PITPNC1: variants seen among roughly 807,000 people sequenced by gnomAD.
The protein encoded by PITPNC1 is phosphatidylinositol transfer protein cytoplasmic 1, also known as cytoplasmic phosphatidylinositol transfer protein 1.
Under a neutral mutation model 44.7 loss-of-function variants are expected in PITPNC1, and 18 were observed. That is an observed-to-expected ratio of 0.40 (90% CI 0.28 to 0.60). PITPNC1 has a LOEUF of 0.60. Ranked by LOEUF, PITPNC1 falls within the 20% of genes least tolerant of loss-of-function variation. The pLI is 0.39. For missense variants in PITPNC1, 290 were observed against 418.4 expected (o/e 0.69, Z 2.68); for synonymous variants, 141 against 149.6 (o/e 0.94, Z 0.42).
intron 6 of PITPNC1, among the ~76,000 whole-genome samples, chr17:67,647,464 G>GTTTTTTTTGTTTTTTTTTTTTTTTTTTTT (rs2042162118): frequency 3.7e-4 from 27 of 72,360 alleles, no homozygotes; most frequent in African/African-American, 1.2e-3. Flanking sequence ...CTAATTTTGG[G>GTTTTTTTTGTTTTTTTTTTTTTTTTTTTT]TTTTTTTTTT....
At chr17:67,570,573 T>C (rs1264348517) in intron 4 of PITPNC1, among the ~76,000 whole-genome samples, 1 of 152,186 alleles carries the variant, frequency 6.6e-6, no homozygotes, top group Non-Finnish European at 1.5e-5. Context: ...CCAACATCTC[T>C]CCAGCATCTG....
chr17:67,639,132 A>AAAGAAAAGAAAAAAGAT (rs1159327642), intron 6 of PITPNC1, among the ~76,000 whole-genome samples: 5 of 152,104 alleles, frequency 3.3e-5, no homozygotes, highest in African/African-American at 1.2e-4. Context: ...CTAAAAAAGA[A>AAAGAAAAGAAAAAAGAT]AAGAAAAGAA....
At chr17:67,386,672 C>T (rs1014900083) in intron 1 of PITPNC1, among the ~76,000 whole-genome samples, 3 of 152,134 alleles carry the variant, frequency 2.0e-5, no homozygotes, top group African/African-American at 7.2e-5. Context: ...TGGAAAAGTA[C>T]ATCTAGGTTC....
At chr17:67,435,853 C>T (rs538391886) in intron 1 of PITPNC1, among the ~76,000 whole-genome samples, 1 of 152,184 alleles carries the variant, frequency 6.6e-6, no homozygotes, top group South Asian at 2.1e-4. Flanking sequence ...CTTTGTCTAC[C>T]ACCGCACCCT....
chr17:67,574,889 ACTC>A (rs1454248801), intron 4 of PITPNC1, among the ~76,000 whole-genome samples: 2 of 152,016 alleles, frequency 1.3e-5, no homozygotes, highest in African/African-American at 4.8e-5. Flanking sequence ...CAGGTGCACT[ACTC>A]CTAGCCTCGT....
intron 1 of PITPNC1, among the ~76,000 whole-genome samples, chr17:67,489,558 C>G (rs2039832830): frequency 6.6e-6 from 1 of 152,136 alleles, no homozygotes; most frequent in African/African-American, 2.4e-5. Flanking sequence ...GACCCCGCCT[C>G]TGATCCCGCC....
At chr17:67,438,379 T>A (rs1314345376) in intron 1 of PITPNC1, among the ~76,000 whole-genome samples, 1 of 150,514 alleles carries the variant, frequency 6.6e-6, no homozygotes, top group Non-Finnish European at 1.5e-5. Context: ...TGCAGTGGTG[T>A]GATCTCCGCT....
At chr17:67,511,641 T>C (rs915734677) in intron 1 of PITPNC1, among the ~76,000 whole-genome samples, 1 of 152,188 alleles carries the variant, frequency 6.6e-6, no homozygotes, top group East Asian at 1.9e-4. Context: ...CCCGAGTAGC[T>C]GGGATTACAG....
At chr17:67,621,226 A>ATTTT (rs1567743343) in intron 5 of PITPNC1, among the ~76,000 whole-genome samples, 57 of 150,358 alleles carry the variant, frequency 3.8e-4, no homozygotes, top group Admixed American at 4.7e-4. Flanking sequence ...ATTTTATTTT[A>ATTTT]AGACAAAGTT....
chr17:67,449,554 G>C (rs2039147312), intron 1 of PITPNC1, among the ~76,000 whole-genome samples: 1 of 152,102 alleles, frequency 6.6e-6, no homozygotes, highest in African/African-American at 2.4e-5. Context: ...TTGACAGATA[G>C]CAAAGAAAAA....
chr17:67,452,765 C>T (rs770313256), intron 1 of PITPNC1, among the ~76,000 whole-genome samples: 24 of 152,262 alleles, frequency 1.6e-4, no homozygotes, highest in African/African-American at 4.8e-4. Context: ...TGATTACAGG[C>T]GTGAGCCACT....
chr17:67,589,968 AAAAGGAAAGG>A (rs960895558), intron 5 of PITPNC1, among the ~76,000 whole-genome samples: 2 of 151,976 alleles, frequency 1.3e-5, no homozygotes, highest in Non-Finnish European at 2.9e-5. Context: ...ACTCTGTCTC[AAAAGGAAAGG>A]AAAGGAAAGG....
intron 8 of PITPNC1, among the ~76,000 whole-genome samples, chr17:67,681,243 A>G (rs1159619309): frequency 6.6e-6 from 1 of 152,192 alleles, no homozygotes; most frequent in Admixed American, 6.5e-5. Flanking sequence ...AAACAAAGCT[A>G]AAAGACTAGG....
intron 5 of PITPNC1, among the ~76,000 whole-genome samples, chr17:67,614,398 C>T (rs1048235646): frequency 9.2e-5 from 14 of 152,032 alleles, no homozygotes; most frequent in Admixed American, 2.6e-4. Flanking sequence ...TGGCCAGGCA[C>T]GGTGGTTCAC....
intron 6 of PITPNC1, among the ~76,000 whole-genome samples, chr17:67,653,019 C>T (rs1042143937): frequency 6.6e-6 from 1 of 152,190 alleles, no homozygotes; most frequent in Non-Finnish European, 1.5e-5. Context: ...CAGTGGCTCA[C>T]GCCTATGGTC....
At position 67,676,194 on chromosome 17, in the gene PITPNC1, G is replaced by A. The variant is rs1211766756; in HGVS notation, c.682+652G>A. ...TGCACTCCAGCCTGGGGGACAGAGC[G>A]AGACTCCGTCTCGGAAAAAAAAAAA... On this transcript the variant is annotated intron_variant, in intron 8 of 8. Transcript: ENST00000581322. The surrounding 1 kb of genome is among the most constrained non-coding windows in gnomAD (Gnocchi z 4.0). Among the ~76,000 whole-genome samples, 1 of 150,150 alleles carries A rather than the reference G, an allele frequency of 6.7e-6. No homozygotes were observed. The highest frequency in any genetic ancestry group is 1.5e-5 in the Non-Finnish European group (1 of 67,724).
At chr17:67,679,097 AACT>A (rs2042655979) in intron 8 of PITPNC1, among the ~76,000 whole-genome samples, 2 of 152,164 alleles carry the variant, frequency 1.3e-5, no homozygotes, top group African/African-American at 4.8e-5. Context: ...AAAGTTTAAG[AACT>A]ACTGGCTTAT....
At chr17:67,631,221 G>T (rs977398382) in intron 5 of PITPNC1, among the ~76,000 whole-genome samples, 2 of 151,434 alleles carry the variant, frequency 1.3e-5, no homozygotes, top group African/African-American at 4.8e-5. Context: ...GCCCTTAAAT[G>T]ATCAAGAAAA....
chr17:67,581,835 CCA>C (rs2041238853), intron 5 of PITPNC1, among the ~76,000 whole-genome samples: 1 of 152,130 alleles, frequency 6.6e-6, no homozygotes, highest in Non-Finnish European at 1.5e-5. Flanking sequence ...GAGTTTGAGA[CCA>C]GCCTGGCCAA....
Sources: gnomAD v4.1 joint callset for allele counts (sites outside exome capture counted in the v4.1 genomes callset) on GRCh38, gnomAD v4.1.1 for gene constraint, Gnocchi (gnomAD v3.1) non-coding constraint, MANE v1.5 for transcripts, NCBI Gene and HGNC (gene_info 2026-07-23, HGNC 2026-07-21) for gene names.